The following ABCD3 variants were observed in gnomAD, a reference collection of about 807,000 sequenced individuals.
The protein encoded by ABCD3 is ATP binding cassette subfamily D member 3, also known as ATP-binding cassette sub-family D member 3.
A neutral mutation model predicts 105.5 loss-of-function variants in ABCD3; 41 were observed. That is an observed-to-expected ratio of 0.39 (90% CI 0.30 to 0.50). ABCD3 has a LOEUF of 0.50. Ranked by LOEUF, ABCD3 falls within the 20% of genes least tolerant of loss-of-function variation. ABCD3 has a pLI of 0.84. For synonymous variants in ABCD3, 258 were observed against 269.0 expected, an observed-to-expected ratio of 0.96 and a Z score of 0.40; for missense variants, 622 against 806.3, an observed-to-expected ratio of 0.77 and a Z score of 2.77.
At chr1:94,414,241 C>T (rs1453506283), upstream of ABCD3, among the ~76,000 whole-genome samples, 2 of 152,118 alleles carry the variant, frequency 1.3e-5, no homozygotes, top group Non-Finnish European at 2.9e-5. Flanking sequence ...CATTACCTTT[C>T]CTGATGAGCA....
intron 10 of ABCD3, among the ~76,000 whole-genome samples, chr1:94,486,056 G>A (rs1479109367): frequency 6.6e-6 from 1 of 151,966 alleles, no homozygotes; most frequent in East Asian, 1.9e-4. Context: ...GCCGGTTGTT[G>A]TGGCGGGGGC....
intron 21 of ABCD3, 44 bp from the exon 22 acceptor site, chr1:94,515,102 T>A: frequency 6.9e-7 from 1 of 1,458,590 alleles, no homozygotes; most frequent in Non-Finnish European, 9.6e-7. Context: ...GTTTAATTTG[T>A]GACTCTGTTA....
chr1:94,403,177 A>G, the ABCD3 span, among the ~76,000 whole-genome samples: 1 of 151,990 alleles, frequency 6.6e-6, no homozygotes, highest in African/African-American at 2.4e-5. Context: ...CTCCCTTTTT[A>G]AACAAAATGA....
At chr1:94,514,483 C>T (rs965909342) in intron 21 of ABCD3, 3 of 150,838 alleles carry the variant, frequency 2.0e-5, no homozygotes, top group African/African-American at 2.4e-5. Flanking sequence ...TCTATAAATA[C>T]GTATTCACAA....
chr1:94,508,348 T>C (rs1650470047), intron 21 of ABCD3, among the ~76,000 whole-genome samples: 1 of 152,180 alleles, frequency 6.6e-6, no homozygotes, highest in African/African-American at 2.4e-5. Context: ...TCCATTGATC[T>C]ATATCTCTGT....
At chr1:94,480,016 A>T (rs909031624) in intron 8 of ABCD3, among the ~76,000 whole-genome samples, 3 of 152,094 alleles carry the variant, frequency 2.0e-5, no homozygotes, top group African/African-American at 7.2e-5. Context: ...TCTTGGGTTC[A>T]TAAGAGTGAT....
intron 16 of ABCD3, among the ~76,000 whole-genome samples, chr1:94,495,644 T>A (rs1395128899): frequency 1.3e-5 from 2 of 152,188 alleles, no homozygotes; most frequent in Non-Finnish European, 2.9e-5. Context: ...TACAAATCTG[T>A]TTTTGGGGTT....
At chr1:94,490,360 A>C (rs1649474052) in intron 15 of ABCD3, among the ~76,000 whole-genome samples, 1 of 151,964 alleles carries the variant, frequency 6.6e-6, no homozygotes, top group Admixed American at 6.6e-5. Flanking sequence ...GGCATCACTG[A>C]AATGTTGTGC....
intron 4 of ABCD3, among the ~76,000 whole-genome samples, chr1:94,468,432 T>A (rs546377098): frequency 6.6e-6 from 1 of 152,342 alleles, no homozygotes; most frequent in East Asian, 1.9e-4. Flanking sequence ...GGGAAGACAA[T>A]TCTTAGACAT....
chr1:94,509,732 G>A (rs1272629208), intron 21 of ABCD3, among the ~76,000 whole-genome samples: 1 of 152,070 alleles, frequency 6.6e-6, no homozygotes, highest in East Asian at 1.9e-4. Flanking sequence ...TGTATGTGTC[G>A]AGGAATTTAT....
chr1:94,511,452 A>C (rs1308076169), intron 21 of ABCD3, among the ~76,000 whole-genome samples: 2 of 152,058 alleles, frequency 1.3e-5, no homozygotes, highest in Non-Finnish European at 2.9e-5. Flanking sequence ...ACTTTGGTGA[A>C]TCTGACAATT....
chr1:94,476,561 A>C (rs1648751643), intron 7 of ABCD3, among the ~76,000 whole-genome samples: 1 of 152,196 alleles, frequency 6.6e-6, no homozygotes, highest in South Asian at 2.1e-4. Flanking sequence ...CTCTGGTCAC[A>C]GTTGACCTAG....
At chr1:94,450,977 T>G (rs558050610) in intron 1 of ABCD3, among the ~76,000 whole-genome samples, 2 of 152,214 alleles carry the variant, frequency 1.3e-5, no homozygotes, top group Admixed American at 6.5e-5. Context: ...TTTATGAGCA[T>G]TTGTTGTGGT....
chr1:94,420,986 G>A (rs1183931083), intron 1 of ABCD3, among the ~76,000 whole-genome samples: 1 of 152,082 alleles, frequency 6.6e-6, no homozygotes, highest in South Asian at 2.1e-4. Flanking sequence ...CAAACATTGG[G>A]AGAATGAGTA....
At chr1:94,461,170 G>A (rs1022861281) in intron 2 of ABCD3, among the ~76,000 whole-genome samples, 61 of 152,030 alleles carry the variant, frequency 4.0e-4, no homozygotes, top group Admixed American at 1.0e-3. Context: ...AAAGGCAGTA[G>A]GTTTAATTTT....
chr1:94,424,047 A>T lies in ABCD3; in HGVS notation c.110+5459A>T, dbSNP rs1300273035. Among the ~76,000 whole-genome samples, 4 of 152,072 alleles carry T rather than the reference A, an allele frequency of 2.6e-5. No homozygotes were observed. The East Asian group carries it at 7.7e-4, about 29-fold the overall frequency. ...GTAGATGTTATATGGCCCCGTTTGG[A>T]TCCTCAAAATAAAAAAGAGATGCTT... On this transcript the variant is annotated intron_variant, in intron 1 of 22. Coordinates refer to ENST00000370214, the MANE Select transcript of ABCD3 (RefSeq NM_002858.4).
the ABCD3 span, among the ~76,000 whole-genome samples, chr1:94,388,259 A>G: frequency 1.3e-5 from 2 of 152,204 alleles, no homozygotes; most frequent in African/African-American, 4.8e-5. Context: ...TTCCGTTTAA[A>G]CTAACGTCTA....
chr1:94,502,630 G>C (rs1208092851), intron 20 of ABCD3, among the ~76,000 whole-genome samples: 2 of 151,834 alleles, frequency 1.3e-5, no homozygotes, highest in Admixed American at 6.6e-5. Flanking sequence ...CCAAGTAGCT[G>C]GGATTACAGG....
chr1:94,470,123 T>G (rs1003059506), intron 4 of ABCD3, among the ~76,000 whole-genome samples: 1 of 152,236 alleles, frequency 6.6e-6, no homozygotes, highest in African/African-American at 2.4e-5. Context: ...GCACTCTTTT[T>G]CTGAGTAAGG....
Sources: gnomAD v4.1 joint callset for allele counts (sites outside exome capture counted in the v4.1 genomes callset) on GRCh38, gnomAD v4.1.1 for gene constraint, MANE v1.5 for transcripts, NCBI Gene and HGNC (gene_info 2026-07-23, HGNC 2026-07-21) for gene names.